The following REV1 variants were observed in gnomAD, a reference collection of about 807,000 sequenced individuals.
The protein encoded by REV1 is translesion synthesis protein REV1.
REV1 carries 42 observed loss-of-function variants against 137.4 expected under a neutral mutation model. The observed-to-expected ratio is 0.31, with a 90% CI of 0.24 to 0.40. The LOEUF (loss-of-function observed/expected upper bound fraction) is 0.40. Ranked by LOEUF, REV1 falls within the 10% of genes least tolerant of loss-of-function variation. REV1 has a pLI of 1.00. For missense variants in REV1, 1,282 were observed against 1,490.1 expected (o/e 0.86, Z 2.30); for synonymous variants, 524 against 519.2 (o/e 1.01, Z -0.12).
At chr2:99,402,094 CTACT>C (rs1384047762) in intron 22 of REV1, 146 bp downstream of exon 22, 33 of 527,762 alleles carry the variant, frequency 6.3e-5, no homozygotes, top group Non-Finnish European at 9.1e-5. Context: ...ACCTTATTTG[CTACT>C]TAGTCAACAT....
chr2:99,433,032 A>G (rs1680313591), intron 8 of REV1, among the ~76,000 whole-genome samples: 1 of 152,250 alleles, frequency 6.6e-6, no homozygotes, highest in Non-Finnish European at 1.5e-5. Context: ...TACTGCAAGT[A>G]TATACATGGT....
chr2:99,414,837 G>A (rs1383161138), intron 12 of REV1, among the ~76,000 whole-genome samples: 1 of 152,124 alleles, frequency 6.6e-6, no homozygotes, highest in African/African-American at 2.4e-5. Flanking sequence ...TCATCATCCT[G>A]GGTTGTGTTA....
rs1681075294 is a variant in REV1 at position 99,438,663 on chromosome 2, G to A, written c.1151C>T (p.Pro384Leu). 1 of 1,613,932 alleles carries A rather than the reference G, an allele frequency of 6.2e-7. No individual in the cohort carries two copies. The highest frequency in any genetic ancestry group is 8.5e-7 in the Non-Finnish European group (1 of 1,179,980). The change falls in exon 6 of 23, where the codon CCA becomes CTA. Residue 384 changes from proline (P) to leucine (L), a missense_variant. Around this residue, in one of 7 missense-constraint regions of REV1, gnomAD observed 432 missense variants for 438.0 expected, o/e 0.99. Transcript: ENST00000258428. ...CATTTTTTTTAACTTTTCCCTTCCT[G>A]GAAAGATACCATTACTTTGTCTTTG... The part of the protein sequence containing the change: ...TLQRQSNGIF[P>L]GREKLKKMKT...
At chr2:99,462,154 A>G (rs1482040757) in intron 3 of REV1, among the ~76,000 whole-genome samples, 1 of 152,122 alleles carries the variant, frequency 6.6e-6, no homozygotes, top group Non-Finnish European at 1.5e-5. Flanking sequence ...ACCCCACCCT[A>G]AAGGACCTAT....
At chr2:99,402,614 C>G in intron 21 of REV1, 30 bp downstream of exon 21, 1 of 1,602,966 alleles carries the variant, frequency 6.2e-7, no homozygotes, top group African/African-American at 1.3e-5. Context: ...ACATCTCAGC[C>G]TTGGGCCATC....
rs1472395768 is a variant in REV1, at chr2:99,421,482, A to G, written c.1831+17T>C. 1 of 1,608,310 alleles carries G rather than the reference A, an allele frequency of 6.2e-7. No homozygotes were observed. Among genetic ancestry groups the G allele is most frequent in the Non-Finnish European group, 8.5e-7 (1 of 1,177,338 alleles). ...TCAAAGCAACTCTTTTGAGTACAAG[A>G]TAAGCTAGATACTAACCAATTCCAA... On this transcript the variant is annotated intron_variant, in intron 11 of 22. Coordinates refer to ENST00000258428, the MANE Select transcript of REV1 (RefSeq NM_016316.4).
At chr2:99,420,005 T>C (rs981458146) in intron 11 of REV1, among the ~76,000 whole-genome samples, 2 of 152,170 alleles carry the variant, frequency 1.3e-5, no homozygotes, top group Admixed American at 6.5e-5. Flanking sequence ...AAGTGGGACT[T>C]TGGCATTACA....
chr2:99,463,529 G>A (rs1025263051), intron 2 of REV1, among the ~76,000 whole-genome samples: 1 of 152,188 alleles, frequency 6.6e-6, no homozygotes, highest in Non-Finnish European at 1.5e-5. Flanking sequence ...TCAAAACATA[G>A]TAATAATATC....
intron 1 of REV1, among the ~76,000 whole-genome samples, chr2:99,483,590 T>C (rs1010844104): frequency 6.6e-6 from 1 of 152,242 alleles, no homozygotes; most frequent in African/African-American, 2.4e-5. Flanking sequence ...CTCCTGCCTA[T>C]ATGAGAAAGT....
At chr2:99,443,441 T>C (rs1313432599) in intron 4 of REV1, among the ~76,000 whole-genome samples, 1 of 152,192 alleles carries the variant, frequency 6.6e-6, no homozygotes, top group Non-Finnish European at 1.5e-5. Flanking sequence ...TTTTAAAAAA[T>C]AATCATTTAA....
intron 9 of REV1, among the ~76,000 whole-genome samples, chr2:99,428,721 C>T (rs187789193): frequency 1.3e-4 from 20 of 152,256 alleles, no homozygotes; most frequent in African/African-American, 4.1e-4. Flanking sequence ...CTAGGCCAGG[C>T]ACAGTGGCTC....
intron 1 of REV1, among the ~76,000 whole-genome samples, chr2:99,468,561 G>A (rs575606396): frequency 6.6e-6 from 1 of 152,170 alleles, no homozygotes; most frequent in Non-Finnish European, 1.5e-5. Context: ...TTGCCTTCTA[G>A]TTTTCAGAGG....
At chr2:99,467,750 T>C (rs1684968217) in intron 1 of REV1, among the ~76,000 whole-genome samples, 4 of 152,174 alleles carry the variant, frequency 2.6e-5, no homozygotes, top group Admixed American at 2.6e-4. Context: ...TGAAAACAGA[T>C]TAAGGTGATC....
At chr2:99,453,217 G>A (rs1228354046) in intron 3 of REV1, among the ~76,000 whole-genome samples, 1 of 151,890 alleles carries the variant, frequency 6.6e-6, no homozygotes, top group Non-Finnish European at 1.5e-5. Flanking sequence ...AAATTAGCTG[G>A]GCATGGTGGC....
intron 1 of REV1, among the ~76,000 whole-genome samples, chr2:99,468,108 A>T (rs1685017840): frequency 6.6e-6 from 1 of 151,068 alleles, no homozygotes; most frequent in Admixed American, 6.6e-5. Context: ...TGAACCCGGG[A>T]GGCGGAGGTT....
chr2:99,452,006 A>G (rs573146600), intron 3 of REV1, among the ~76,000 whole-genome samples: 2 of 152,090 alleles, frequency 1.3e-5, no homozygotes, highest in Middle Eastern at 3.4e-3. Context: ...TATTTCTTCA[A>G]TACTAGAACA....
chr2:99,436,667 T>C (rs1680790879), intron 6 of REV1: 1 of 152,262 alleles, frequency 6.6e-6, no homozygotes, highest in Non-Finnish European at 1.5e-5. Context: ...AAGCTTCTAA[T>C]CATCCTGAGC....
chr2:99,406,535 A>C lies in REV1; in HGVS notation c.2449-45T>G, dbSNP rs759801887. The C allele has an allele frequency of 3.4e-6, 5 of 1,457,764 alleles. No homozygotes were observed. The South Asian group carries it at 7.3e-5, about 21-fold the overall frequency. 90.3% of individuals were successfully genotyped at this position (1,457,764 alleles called of 1,614,324 possible). ...GTATGCTTCTAGGAAAACTAAAGTG[A>C]AAATATGAATTCAGCTAAGCAAAAT... On this transcript the variant is annotated intron_variant, in intron 15 of 22. Transcript: ENST00000258428.
At chr2:99,476,670 C>T (rs989433537) in intron 1 of REV1, among the ~76,000 whole-genome samples, 1 of 152,148 alleles carries the variant, frequency 6.6e-6, no homozygotes, top group African/African-American at 2.4e-5. Context: ...GGGCTTTGAG[C>T]CATGTATTAT....
Sources: gnomAD v4.1 joint callset for allele counts (sites outside exome capture counted in the v4.1 genomes callset) on GRCh38, gnomAD v4.1.1 for gene constraint, gnomAD v4.1.1 regional missense constraint, MANE v1.5 for transcripts, NCBI Gene and HGNC (gene_info 2026-07-23, HGNC 2026-07-21) for gene names.